Variants in TCERG1L observed in about 807,000 individuals in gnomAD.
TCERG1L encodes transcription elongation regulator 1-like protein.
A neutral mutation model predicts 56.3 loss-of-function variants in TCERG1L; 37 were observed. That is an observed-to-expected ratio of 0.66 (90% confidence interval 0.51 to 0.87). The LOEUF is 0.87. TCERG1L is among the 40% of genes least tolerant of loss of function. The pLI is 0.00. For missense variants in TCERG1L, 799 were observed against 774.2 expected (o/e 1.03, Z -0.38); for synonymous variants, 324 against 326.3 (o/e 0.99, Z 0.08).
At position 131,139,064 on chromosome 10, in the gene TCERG1L, T is replaced by C. The variant is rs147994114; in HGVS notation, c.1190-4616A>G. Among the ~76,000 whole-genome samples the C allele has an allele frequency of 3.5e-3, 535 of 152,278 alleles. 3 individuals are homozygous for C. Among genetic ancestry groups the C allele is most frequent in the African/African-American group, 0.012 (497 of 41,538 alleles). On this transcript the variant is annotated intron_variant, in intron 7 of 11. Coordinates refer to ENST00000368642, the MANE Select transcript of TCERG1L (RefSeq NM_174937.4). ...TCAATTTCACTCAAAATTAAAGCAA[T>C]GCCAACTGAAGCAAAGAATGGCTTT...
Position 131,291,859 on chromosome 10 carries a change from T to A in TCERG1L, c.670+16352A>T, listed in dbSNP as rs144400856. On this transcript the variant is annotated intron_variant, in intron 3 of 11. Transcript: ENST00000368642. The stretch of plus-strand genomic sequence containing the variant: ...ACACATAAGTAAAGGTTATGATCCA[T>A]CTACCTGTGTTGATAGTTGTTCATA... Among the ~76,000 whole-genome samples the A allele has an allele frequency of 1.1e-4, 17 of 152,326 alleles. No homozygotes were observed. The East Asian group carries it at 2.3e-3, about 21-fold the overall frequency.
At position 131,311,355 on chromosome 10, in the gene TCERG1L, G is replaced by A. The variant is rs1206293589; in HGVS notation, c.281C>T (p.Pro94Leu). The A allele has an allele frequency of 4.2e-6, 5 of 1,201,454 alleles. No homozygotes were observed. In the African/African-American group the frequency reaches 4.8e-5, roughly 11 times the overall value. 74.4% of individuals were successfully genotyped at this position (1,201,454 alleles called of 1,614,324 possible). A position where few individuals can be genotyped will look rare whatever the true frequency, so the allele number is the denominator to read the frequency against. Residue 94 changes from proline to leucine, a missense_variant, in exon 1 of 12, where the codon CCC (proline) becomes CTC (leucine). Pro to Leu is a moderately conservative substitution (Grantham distance 98, BLOSUM62 -3). Coordinates refer to ENST00000368642, the MANE Select transcript of TCERG1L (RefSeq NM_174937.4). This position sits in a 1 kb window ranked among gnomAD's most constrained non-coding sequence, Gnocchi z 4.0. ...SEPVLPLLPL[P>L]SAPDSAAAAA... Reference sequence around the variant, plus strand: ...GGCGGCGGCGGAGTCTGGCGCAGAGGGCAGCGGCAGCAGCGGGAGCACCGG... The same window carrying A: ...GGCGGCGGCGGAGTCTGGCGCAGAGAGCAGCGGCAGCAGCGGGAGCACCGG...
intron 4 of TCERG1L, among the ~76,000 whole-genome samples, chr10:131,192,181 A>G (rs1334083491): frequency 6.9e-6 from 1 of 143,904 alleles, no homozygotes; most frequent in Non-Finnish European, 1.5e-5. Context: ...CCACCAAGGA[A>G]AAAACAAAAA....
chr10:131,134,693 T>TA (rs1332490674), intron 7 of TCERG1L, among the ~76,000 whole-genome samples: 1 of 152,212 alleles, frequency 6.6e-6, no homozygotes, highest in Non-Finnish European at 1.5e-5. Context: ...GTTTAGCAGG[T>TA]GCTGGGCCTT....
chr10:131,134,014 C>T (rs1845647626), intron 8 of TCERG1L, among the ~76,000 whole-genome samples: 1 of 152,188 alleles, frequency 6.6e-6, no homozygotes, highest in Non-Finnish European at 1.5e-5. Flanking sequence ...AGCACCAAGC[C>T]AGGGCTGCCT....
chr10:131,270,136 A>T (rs1178664750), intron 3 of TCERG1L, among the ~76,000 whole-genome samples: 1 of 152,190 alleles, frequency 6.6e-6, no homozygotes, highest in East Asian at 1.9e-4. Context: ...TCAGACATTT[A>T]TGAAGCCAGA....
intron 4 of TCERG1L, among the ~76,000 whole-genome samples, chr10:131,240,196 C>T (rs576040564): frequency 6.6e-6 from 1 of 152,270 alleles, no homozygotes; most frequent in South Asian, 2.1e-4. Context: ...TTGTCCTTTT[C>T]ATGCCCAGTT....
intron 4 of TCERG1L, among the ~76,000 whole-genome samples, chr10:131,210,045 GT>G (rs1281037369): frequency 1.3e-5 from 2 of 152,134 alleles, no homozygotes; most frequent in Admixed American, 1.3e-4. Context: ...AAAAATGAAT[GT>G]TTTTTGCAAT....
chr10:131,252,559 C>T (rs756453094), intron 4 of TCERG1L, among the ~76,000 whole-genome samples: 2 of 152,124 alleles, frequency 1.3e-5, no homozygotes, highest in African/African-American at 2.4e-5. Flanking sequence ...ATGCACCAAA[C>T]GCGTCTATTT....
chr10:131,130,742 A>T (rs1845609421), intron 8 of TCERG1L, among the ~76,000 whole-genome samples: 1 of 152,104 alleles, frequency 6.6e-6, no homozygotes, highest in Admixed American at 6.5e-5. Flanking sequence ...ATATCTGACA[A>T]CCAGCCTTGT....
chr10:131,117,393 C>T (rs1697981750), intron 8 of TCERG1L, among the ~76,000 whole-genome samples: 1 of 152,238 alleles, frequency 6.6e-6, no homozygotes, highest in African/African-American at 2.4e-5. Flanking sequence ...TCATTCTGGA[C>T]AAATGCCTGG....
intron 3 of TCERG1L, among the ~76,000 whole-genome samples, chr10:131,296,306 C>A (rs1211320840): frequency 6.6e-6 from 1 of 152,144 alleles, no homozygotes; most frequent in Non-Finnish European, 1.5e-5. Context: ...ATGTATTCAT[C>A]AAGGATTGTT....
intron 4 of TCERG1L, among the ~76,000 whole-genome samples, chr10:131,172,868 T>C (rs188421515): frequency 7.1e-4 from 108 of 151,862 alleles, no homozygotes; most frequent in African/African-American, 2.4e-3. Context: ...GCAGAATTGT[T>C]GTAGAGAGAA....
At chr10:131,208,885 G>A (rs11592331) in intron 4 of TCERG1L, among the ~76,000 whole-genome samples, 12,328 of 152,066 alleles carry the variant, frequency 0.081, 588 homozygotes, top group Middle Eastern at 0.13. Context: ...GTAAAACCGC[G>A]TCTCTACTAA....
intron 8 of TCERG1L, among the ~76,000 whole-genome samples, chr10:131,124,146 C>T (rs1160727918): frequency 6.6e-6 from 1 of 152,164 alleles, no homozygotes; most frequent in African/African-American, 2.4e-5. Context: ...CACTGCCTGG[C>T]CCTTTGGTCA....
rs1440344697 is a variant in TCERG1L at position 131,093,007 on chromosome 10, C to T, written c.*155G>A. 1 of 648,212 alleles carries T rather than the reference C, an allele frequency of 1.5e-6. No homozygotes were observed. The highest frequency in any genetic ancestry group is 3.1e-5 in the Admixed American group (1 of 31,882). 40.2% of individuals were successfully genotyped at this position (648,212 alleles called of 1,614,324 possible). ...CAAAAGAGAGAGCTTCAATATGAAA[C>T]AGTAATCCTCTGAGAACGAAGACCC... On this transcript the variant is annotated 3_prime_UTR_variant, in exon 12 of 12. Coordinates refer to ENST00000368642, the MANE Select transcript of TCERG1L (RefSeq NM_174937.4).
intron 3 of TCERG1L, among the ~76,000 whole-genome samples, chr10:131,280,857 C>T (rs1846444209): frequency 6.6e-6 from 1 of 152,112 alleles, no homozygotes; most frequent in Middle Eastern, 3.2e-3. Context: ...CCAGGCCAGG[C>T]CCTCCTGGGA....
At chr10:131,147,035 G>C (rs528149407) in intron 6 of TCERG1L, among the ~76,000 whole-genome samples, 35 of 151,798 alleles carry the variant, frequency 2.3e-4, no homozygotes, top group Non-Finnish European at 4.4e-4. Flanking sequence ...CCCTGGTTCC[G>C]GCAATAGAGT....
intron 3 of TCERG1L, among the ~76,000 whole-genome samples, chr10:131,288,483 C>A (rs566828246): frequency 6.4e-4 from 98 of 152,270 alleles, no homozygotes; most frequent in Admixed American, 1.1e-3. Flanking sequence ...CTGTGGGATA[C>A]CCGCTGTGCC....
Sources: allele counts gnomAD v4.1 joint callset (sites outside exome capture counted in the v4.1 genomes callset), GRCh38; gene constraint gnomAD v4.1.1; non-coding constraint Gnocchi (gnomAD v3.1); transcripts MANE v1.5; gene names NCBI Gene and HGNC (gene_info 2026-07-23, HGNC 2026-07-21).